Variants in ANO10 observed in about 807,000 individuals in gnomAD.
ANO10 encodes the protein anoctamin 10.
ANO10 carries 77 observed loss-of-function variants against 74.7 expected under a neutral mutation model. The ratio of observed to expected loss-of-function variants is 1.03; its 90% confidence interval spans 0.86 to 1.25. The LOEUF is 1.25. ANO10 is among the 50% of genes most tolerant of loss of function. The probability of loss-of-function intolerance (pLI) is 0.00; values close to 1 mark genes in which losing one functional copy is unlikely to be tolerated. For synonymous variants in ANO10, 279 were observed against 284.9 expected (o/e 0.98, Z 0.21); for missense variants, 721 against 778.1 (o/e 0.93, Z 0.87).
chr3:43,482,078 G>GCCA (rs1176562680), intron 11 of ANO10, among the ~76,000 whole-genome samples: 1 of 151,744 alleles, frequency 6.6e-6, no homozygotes, highest in Non-Finnish European at 1.5e-5. Context: ...ACAGGTGCGT[G>GCCA]CCACCACCCC....
At chr3:43,499,612 A>G (rs767314707) in intron 11 of ANO10, among the ~76,000 whole-genome samples, 14 of 152,102 alleles carry the variant, frequency 9.2e-5, no homozygotes, top group Non-Finnish European at 1.8e-4. Flanking sequence ...CTAGGATACC[A>G]AAAACTGTAA....
intron 12 of ANO10, among the ~76,000 whole-genome samples, chr3:43,432,260 C>T (rs1208096695): frequency 6.6e-6 from 1 of 151,670 alleles, no homozygotes; most frequent in African/African-American, 2.4e-5. Flanking sequence ...GGATTTTATT[C>T]ATTCACTTCT....
chr3:43,575,945 A>G (rs1225984873), intron 6 of ANO10, among the ~76,000 whole-genome samples: 1 of 152,196 alleles, frequency 6.6e-6, no homozygotes, highest in Admixed American at 6.5e-5. Context: ...CCCCTAAAAC[A>G]TATTTATGTC....
At chr3:43,473,184 G>T (rs546142381) in intron 11 of ANO10, among the ~76,000 whole-genome samples, 1 of 152,002 alleles carries the variant, frequency 6.6e-6, no homozygotes, top group East Asian at 1.9e-4. Flanking sequence ...TTTCCTACTA[G>T]ACAGAATCTA....
At chr3:43,395,771 C>A (rs370004308) in intron 12 of ANO10, among the ~76,000 whole-genome samples, 141 of 138,464 alleles carry the variant, frequency 1.0e-3, no homozygotes, top group Admixed American at 1.1e-3. Context: ...TCAACTTCTA[C>A]AAAAAAAAAA....
intron 1 of ANO10, among the ~76,000 whole-genome samples, chr3:43,629,716 G>A (rs1009842403): frequency 1.3e-5 from 2 of 152,172 alleles, no homozygotes; most frequent in Non-Finnish European, 2.9e-5. Context: ...GAGAGAAAGA[G>A]GAGTCAATTG....
At chr3:43,691,333 C>T (rs902570349) in intron 1 of ANO10, 1 of 279,744 alleles carries the variant, frequency 3.6e-6, no homozygotes, top group Non-Finnish European at 6.7e-6. Context: ...TTGTATAAGC[C>T]ACCCCGCGGG....
At chr3:43,398,864 T>C (rs1407048799) in intron 12 of ANO10, among the ~76,000 whole-genome samples, 2 of 152,214 alleles carry the variant, frequency 1.3e-5, no homozygotes, top group African/African-American at 4.8e-5. Flanking sequence ...GGTCTCACTC[T>C]GCCACCCAGG....
intron 11 of ANO10, among the ~76,000 whole-genome samples, chr3:43,521,199 G>C (rs1020474789): frequency 4.6e-5 from 7 of 152,120 alleles, no homozygotes; most frequent in African/African-American, 1.7e-4. Flanking sequence ...ACTGGTAAGT[G>C]GTAAGGGGAG....
At chr3:43,567,241 C>G (rs2080413916) in intron 7 of ANO10, among the ~76,000 whole-genome samples, 1 of 152,006 alleles carries the variant, frequency 6.6e-6, no homozygotes, top group Non-Finnish European at 1.5e-5. Context: ...AGAATGGAAC[C>G]AAGTTGGAAA....
At chr3:43,619,316 T>C (rs2083272131) in intron 1 of ANO10, among the ~76,000 whole-genome samples, 1 of 152,190 alleles carries the variant, frequency 6.6e-6, no homozygotes, top group Admixed American at 6.5e-5. Context: ...AAATACAGTG[T>C]AGGATCTCAG....
chr3:43,502,732 G>A (rs567085655), intron 11 of ANO10, among the ~76,000 whole-genome samples: 32 of 152,334 alleles, frequency 2.1e-4, no homozygotes, highest in African/African-American at 7.0e-4. Flanking sequence ...CAGTATGTAC[G>A]TGCAATGGAA....
intron 11 of ANO10, among the ~76,000 whole-genome samples, chr3:43,529,408 A>G (rs1378412208): frequency 1.3e-5 from 2 of 152,118 alleles, no homozygotes; most frequent in African/African-American, 4.8e-5. Context: ...CAGCATCTAT[A>G]CCATTTGGGA....
At chr3:43,462,483 G>A (rs985676759) in intron 11 of ANO10, among the ~76,000 whole-genome samples, 3 of 152,046 alleles carry the variant, frequency 2.0e-5, no homozygotes, top group Non-Finnish European at 2.9e-5. Context: ...CACCCACCTC[G>A]GCCTCCCAAA....
rs566684858 is a variant in ANO10, at chr3:43,584,913, T to C, written c.473-4441A>G. ...CTTTCAGTCTTGAGGGGTATCACAT[T>C]GGGCAGACTAAAGCCTCTCCTCTCA... On this transcript the variant is annotated intron_variant, in intron 4 of 12. Transcript: ENST00000292246. Among the ~76,000 whole-genome samples the C allele has an allele frequency of 7.9e-5, 12 of 152,284 alleles. No individual in the cohort carries two copies. The East Asian group carries it at 2.1e-3, about 27-fold the overall frequency.
chr3:43,473,299 G>T (rs1365783604), intron 11 of ANO10, among the ~76,000 whole-genome samples: 1 of 151,936 alleles, frequency 6.6e-6, no homozygotes, highest in African/African-American at 2.4e-5. Flanking sequence ...CCGCTTTGCT[G>T]GCCTGATTCC....
At chr3:43,665,526 T>TA (rs1170818754) in intron 1 of ANO10, among the ~76,000 whole-genome samples, 9 of 151,884 alleles carry the variant, frequency 5.9e-5, no homozygotes, top group Admixed American at 3.3e-4. Flanking sequence ...ATATATAATT[T>TA]AAAAAAAAGA....
intron 4 of ANO10, among the ~76,000 whole-genome samples, chr3:43,593,408 C>G (rs562330761): frequency 6.6e-6 from 1 of 152,222 alleles, no homozygotes; most frequent in South Asian, 2.1e-4. Context: ...AACAGCAGAT[C>G]TCTCAGCAGA....
intron 4 of ANO10, among the ~76,000 whole-genome samples, chr3:43,588,995 C>A (rs1369384967): frequency 6.6e-6 from 1 of 152,012 alleles, no homozygotes; most frequent in Non-Finnish European, 1.5e-5. Context: ...ACAAAATTAA[C>A]AATGTATACG....
Sources: allele counts gnomAD v4.1 joint callset (sites outside exome capture counted in the v4.1 genomes callset), GRCh38; gene constraint gnomAD v4.1.1; transcripts MANE v1.5; gene names NCBI Gene and HGNC (gene_info 2026-07-23, HGNC 2026-07-21).